MUC7: variants seen among roughly 807,000 people sequenced by gnomAD.
MUC7 encodes the protein mucin 7, secreted, also known as mucin-7.
MUC7 carries 2 observed loss-of-function variants against 2.5 expected under a neutral mutation model. That is an observed-to-expected ratio of 0.81 (90% CI 0.33 to 2.55). The LOEUF (loss-of-function observed/expected upper bound fraction) is 2.55, where lower values mean the gene tolerates loss of function less well. Among genes scored for constraint, MUC7 ranks in the 30% most tolerant of loss-of-function variants. The pLI, the probability that MUC7 is intolerant of heterozygous loss-of-function variation, is 0.11. For synonymous variants in MUC7, 133 were observed against 173.4 expected (o/e 0.77, Z 1.83); for missense variants, 408 against 455.6 (o/e 0.90, Z 0.95).
Position 70,481,640 on chromosome 4 carries a change from C to A in MUC7, c.896C>A (p.Ala299Asp). The change falls in exon 3 of 3, where the codon GCT becomes GAT. Residue 299 changes from alanine (A) to aspartate (D), a missense_variant. Physicochemically the swap from Ala to Asp is moderately radical, Grantham distance 126. Transcript: ENST00000304887. ...ATTPAPPSSP[A>D]PQETTAAPIT... ...ACACCAGCTCCACCGTCTTCCCCAG[C>A]TCCACAAGAGACCACAGCTGCCCCA... is the stretch of plus-strand genomic sequence containing the variant. 2 of 1,613,848 alleles carry A rather than the reference C, an allele frequency of 1.2e-6. No homozygotes were observed. Among genetic ancestry groups the A allele is most frequent in the African/African-American group, 1.3e-5 (1 of 74,974 alleles).
chr4:70,451,332 G>A (rs971527995), intron 1 of MUC7, among the ~76,000 whole-genome samples: 10 of 152,206 alleles, frequency 6.6e-5, no homozygotes, highest in African/African-American at 1.7e-4. Context: ...GGGCAGGTGT[G>A]GCACAGACAA....
Position 70,481,181 on chromosome 4 carries a change from A to C in MUC7, c.437A>C (p.Asn146Thr). The C allele has an allele frequency of 6.2e-7, 1 of 1,614,200 alleles. No individual in the cohort carries two copies. Among genetic ancestry groups the C allele is most frequent in the South Asian group, 1.1e-5 (1 of 91,086 alleles). ...ATTISSRENV[N>T]TSSSVATLAP... is the part of the protein sequence containing the mutation. Reference sequence around the variant, plus strand: ...ACCATATCTTCAAGAGAAAATGTTAACACAAGCTCTTCTGTAGCTACATTA... The same window carrying C: ...ACCATATCTTCAAGAGAAAATGTTACCACAAGCTCTTCTGTAGCTACATTA... The change falls in exon 3 of 3, where the codon AAC (asparagine) becomes ACC (threonine). Residue 146 changes from asparagine to threonine, a missense_variant. By Grantham distance (65) the Asn-to-Thr change is moderately conservative. Transcript: ENST00000304887.
At chr4:70,432,406 C>T (rs1269269894) in intron 1 of MUC7, among the ~76,000 whole-genome samples, 1 of 152,202 alleles carries the variant, frequency 6.6e-6, no homozygotes, top group East Asian at 1.9e-4. Context: ...TCTCCAGCAC[C>T]TGTTGTTTCC....
intron 1 of MUC7, among the ~76,000 whole-genome samples, chr4:70,459,369 G>A (rs1273511714): frequency 6.6e-6 from 1 of 152,134 alleles, no homozygotes; most frequent in Non-Finnish European, 1.5e-5. Context: ...TCATAGGTGG[G>A]AATTGAACAA....
chr4:70,455,581 T>A (rs1734390975), intron 1 of MUC7, among the ~76,000 whole-genome samples: 1 of 152,200 alleles, frequency 6.6e-6, no homozygotes, highest in Non-Finnish European at 1.5e-5. Flanking sequence ...CTCATCATTT[T>A]ACAGAGCCTG....
At chr4:70,440,637 T>G (rs75106098) in intron 1 of MUC7, among the ~76,000 whole-genome samples, 2,895 of 152,300 alleles carry the variant, frequency 0.019, 89 homozygotes, top group African/African-American at 0.064. Flanking sequence ...TTTAAGGTAA[T>G]GGATATCCCA....
rs910991857 is a variant in MUC7 at position 70,482,959 on chromosome 4, T to A, written c.*1081T>A. The A allele has an allele frequency of 6.6e-6, 1 of 152,438 alleles. No individual in the cohort carries two copies. The highest frequency in any genetic ancestry group is 2.1e-4 in the South Asian group (1 of 4,828). 9.4% of individuals were successfully genotyped at this position (152,438 alleles called of 1,614,324 possible). On this transcript the variant is annotated 3_prime_UTR_variant, in exon 3 of 3. Transcript: ENST00000304887. Reference sequence around the variant, plus strand: ...TTAAAACTCTGATGATTATGTTAGATTTTTTTGCTAACTAATAAAGATTTC... The same window carrying A: ...TTAAAACTCTGATGATTATGTTAGAATTTTTTGCTAACTAATAAAGATTTC...
chr4:70,476,228 A>G (rs1249047461), intron 2 of MUC7, among the ~76,000 whole-genome samples: 1 of 152,240 alleles, frequency 6.6e-6, no homozygotes, highest in Non-Finnish European at 1.5e-5. Context: ...TAAGTTCTGA[A>G]TATGCACAGT....
At chr4:70,466,123 G>T (rs1018319326) in intron 1 of MUC7, among the ~76,000 whole-genome samples, 11 of 152,194 alleles carry the variant, frequency 7.2e-5, no homozygotes, top group African/African-American at 2.7e-4. Context: ...TTAAAGAAAA[G>T]AATTTTTGAC....
At chr4:70,468,208 C>A (rs1195198856), upstream of MUC7, among the ~76,000 whole-genome samples, 4 of 152,116 alleles carry the variant, frequency 2.6e-5, no homozygotes, top group Non-Finnish European at 5.9e-5. Flanking sequence ...ATTAAACACC[C>A]CTTCATGCTA....
intron 1 of MUC7, among the ~76,000 whole-genome samples, chr4:70,446,209 A>G (rs1046523777): frequency 6.6e-5 from 10 of 152,338 alleles, no homozygotes; most frequent in African/African-American, 9.6e-5. Context: ...AATATTATAG[A>G]TACATATGAA....
At chr4:70,473,957 T>C in intron 1 of MUC7, 50 bp from the exon 2 acceptor site, 2 of 1,308,716 alleles carry the variant, frequency 1.5e-6, no homozygotes, top group East Asian at 2.3e-5. Flanking sequence ...AACGCATTCC[T>C]CTCCCATAAT....
At position 70,482,367 on chromosome 4, in the gene MUC7, C is replaced by G. The variant is rs1735225495; in HGVS notation, c.*489C>G. ...TATCTAAATATATTGATAGACCTGT[C>G]ATTGTATTGATTAATGACAAAACCC... is the stretch of plus-strand genomic sequence containing the variant. On this transcript the variant is annotated 3_prime_UTR_variant, in exon 3 of 3. Coordinates refer to ENST00000304887, the MANE Select transcript of MUC7 (RefSeq NM_152291.3). 6.5e-6 allele frequency: 1 copy of G among 153,934 alleles called. No homozygotes were observed. Among genetic ancestry groups the G allele is most frequent in the Admixed American group, 6.4e-5 (1 of 15,618 alleles). The allele number at this position is 153,934 out of a possible 1,614,324, so 9.5% of individuals were successfully genotyped here. A position where few individuals can be genotyped will look rare whatever the true frequency, so the allele number is the denominator to read the frequency against.
At chr4:70,467,681 A>T (rs1311915922), upstream of MUC7, among the ~76,000 whole-genome samples, 1 of 152,228 alleles carries the variant, frequency 6.6e-6, no homozygotes, top group Non-Finnish European at 1.5e-5. Flanking sequence ...AAATTCCTGG[A>T]CATATACACC....
chr4:70,463,861 A>C (rs1734616956), intron 1 of MUC7, among the ~76,000 whole-genome samples: 1 of 152,202 alleles, frequency 6.6e-6, no homozygotes, highest in African/African-American at 2.4e-5. Context: ...TTGATCTTGG[A>C]CTTCTCAAAC....
Position 70,480,797 on chromosome 4 carries a change from A to G in MUC7, c.55-2A>G, listed in dbSNP as rs370831550. On this transcript the variant is annotated splice_acceptor_variant, in intron 2 of 2. Coordinates refer to ENST00000304887, the MANE Select transcript of MUC7 (RefSeq NM_152291.3). LOFTEE classifies it high-confidence loss of function. ...TTCTTACATTTTCTTTCTTTTCTGC[A>G]GTTCAGTGAAGGTCGAGAAAGGGAT... The G allele has an allele frequency of 1.2e-6, 2 of 1,605,902 alleles. No homozygotes were observed. Among genetic ancestry groups the G allele is most frequent in the African/African-American group, 2.7e-5 (2 of 74,528 alleles).
intron 1 of MUC7, among the ~76,000 whole-genome samples, chr4:70,450,386 A>G (rs555129135): frequency 3.3e-5 from 5 of 152,304 alleles, no homozygotes; most frequent in African/African-American, 1.2e-4. Context: ...ATGCCATCCA[A>G]GAGTCAAGTC....
At chr4:70,456,220 G>C (rs923607483) in intron 1 of MUC7, among the ~76,000 whole-genome samples, 1 of 152,102 alleles carries the variant, frequency 6.6e-6, no homozygotes, top group African/African-American at 2.4e-5. Context: ...TTTTCTGGAG[G>C]CATTCAGAAG....
chr4:70,432,216 A>G (rs1382658411), intron 1 of MUC7, among the ~76,000 whole-genome samples: 2 of 152,252 alleles, frequency 1.3e-5, no homozygotes, highest in African/African-American at 4.8e-5. Flanking sequence ...ATACCTGTGC[A>G]TGTGTCTTTA....
Sources: allele counts gnomAD v4.1 joint callset (sites outside exome capture counted in the v4.1 genomes callset), GRCh38; gene constraint gnomAD v4.1.1; transcripts MANE v1.5; gene names NCBI Gene and HGNC (gene_info 2026-07-23, HGNC 2026-07-21).